ANP32A: variants seen among roughly 807,000 people sequenced by gnomAD.
ANP32A encodes the protein acidic nuclear phosphoprotein 32 family member A.
In ANP32A, 1 loss-of-function variant was observed where a neutral mutation model predicts 33.9. That is an observed-to-expected ratio of 0.03 (90% CI 0.01 to 0.14). ANP32A has a LOEUF of 0.14. Among genes scored for constraint, ANP32A ranks in the 10% least tolerant of loss-of-function variants. The probability of loss-of-function intolerance (pLI) is 1.00; values close to 1 mark genes in which losing one functional copy is unlikely to be tolerated. For synonymous variants in ANP32A, 115 were observed against 120.5 expected (o/e 0.95, Z 0.30); for missense variants, 155 against 306.0 (o/e 0.51, Z 3.68).
chr15:68,781,701 T>G (rs1212313798), intron 5 of ANP32A: 3 of 151,974 alleles, frequency 2.0e-5, no homozygotes, highest in Non-Finnish European at 4.4e-5. Context: ...CCTCCCAGGT[T>G]CAAGCGATTC....
chr15:68,810,285 T>C (rs1894295137), intron 1 of ANP32A, among the ~76,000 whole-genome samples: 1 of 152,208 alleles, frequency 6.6e-6, no homozygotes, highest in African/African-American at 2.4e-5. Flanking sequence ...GATAAGATCA[T>C]TCTAGTTGAA....
At chr15:68,803,722 T>C (rs77528843) in intron 1 of ANP32A, among the ~76,000 whole-genome samples, 5,022 of 149,456 alleles carry the variant, frequency 0.034, 176 homozygotes, top group East Asian at 0.2. Context: ...TATTAAATAA[T>C]AAATAGAAAA....
chr15:68,809,345 A>T (rs1894282375), intron 1 of ANP32A, among the ~76,000 whole-genome samples: 1 of 152,210 alleles, frequency 6.6e-6, no homozygotes, highest in African/African-American at 2.4e-5. Flanking sequence ...TTACAGAGTG[A>T]ACTTTAGTAA....
At chr15:68,793,298 A>G (rs919144271) in intron 1 of ANP32A, among the ~76,000 whole-genome samples, 1 of 152,196 alleles carries the variant, frequency 6.6e-6, no homozygotes, top group Admixed American at 6.5e-5. Flanking sequence ...ATGACGAATA[A>G]ATGTTGAATG....
At chr15:68,783,358 C>T (rs753764461) in intron 4 of ANP32A, among the ~76,000 whole-genome samples, 7 of 151,818 alleles carry the variant, frequency 4.6e-5, no homozygotes, top group Non-Finnish European at 4.4e-5. Context: ...TTCCAGGGCC[C>T]GGGAAAGCGG....
chr15:68,797,069 A>G (rs1389940098), intron 1 of ANP32A, among the ~76,000 whole-genome samples: 1 of 152,192 alleles, frequency 6.6e-6, no homozygotes, highest in Non-Finnish European at 1.5e-5. Context: ...CTAATCTCTT[A>G]AAACATATCA....
chr15:68,820,652 A>ACAC, intron 1 of ANP32A, 46 bp downstream of exon 1: 1 of 1,447,636 alleles, frequency 6.9e-7, no homozygotes, highest in Non-Finnish European at 9.3e-7. Flanking sequence ...ACACACACAC[A>ACAC]AAGTAGGAGA....
At chr15:68,809,505 A>C (rs1043514722) in intron 1 of ANP32A, among the ~76,000 whole-genome samples, 3 of 152,196 alleles carry the variant, frequency 2.0e-5, no homozygotes, top group African/African-American at 7.2e-5. Context: ...TACATTTTAT[A>C]ATGTCCATAT....
At chr15:68,781,908 C>T (rs892626584) in intron 5 of ANP32A, among the ~76,000 whole-genome samples, 13 of 152,110 alleles carry the variant, frequency 8.5e-5, no homozygotes, top group African/African-American at 2.2e-4. Flanking sequence ...CTGGCCTCCG[C>T]GATTCTATTG....
intron 1 of ANP32A, among the ~76,000 whole-genome samples, chr15:68,820,201 A>G (rs997031380): frequency 1.3e-5 from 2 of 151,962 alleles, no homozygotes; most frequent in Non-Finnish European, 2.9e-5. Context: ...AGCGAGCGAG[A>G]GAAAGGGAGG....
At chr15:68,784,882 C>T (rs1893913402) in intron 3 of ANP32A, among the ~76,000 whole-genome samples, 1 of 152,128 alleles carries the variant, frequency 6.6e-6, no homozygotes, top group Non-Finnish European at 1.5e-5. Flanking sequence ...CAGCTTCTGT[C>T]TTAACAGTGA....
chr15:68,780,711 A>G lies in ANP32A; in HGVS notation c.625-238T>C, dbSNP rs1893856787. The G allele has an allele frequency of 3.5e-6, 2 of 569,996 alleles. No individual in the cohort carries two copies. The highest frequency in any genetic ancestry group is 3.6e-5 in the East Asian group (1 of 28,118). 35.3% of individuals were successfully genotyped at this position (569,996 alleles called of 1,614,324 possible). The stretch of plus-strand genomic sequence containing the variant: ...TCTCCAGAAAATGTCCGTATCATTT[A>G]TAATATTTGCAAGCAGTTTCAGGGG... On this transcript the variant is annotated intron_variant, in intron 5 of 6. Coordinates refer to ENST00000465139, the MANE Select transcript of ANP32A (RefSeq NM_006305.4). The surrounding 1 kb of genome is among the most constrained non-coding windows in gnomAD (Gnocchi z 4.3).
chr15:68,797,035 A>C (rs989983957), intron 1 of ANP32A, among the ~76,000 whole-genome samples: 2 of 152,204 alleles, frequency 1.3e-5, no homozygotes, highest in Non-Finnish European at 2.9e-5. Flanking sequence ...CCTGGGTAAT[A>C]AGTGAAATGG....
At chr15:68,820,364 G>A (rs968803231) in intron 1 of ANP32A, among the ~76,000 whole-genome samples, 28 of 152,140 alleles carry the variant, frequency 1.8e-4, no homozygotes, top group African/African-American at 6.5e-4. Context: ...GATCTCCGAG[G>A]GTGATTTCGC....
chr15:68,797,580 C>T (rs1374412451), intron 1 of ANP32A, among the ~76,000 whole-genome samples: 1 of 152,178 alleles, frequency 6.6e-6, no homozygotes, highest in African/African-American at 2.4e-5. Context: ...TTCCCAGACC[C>T]CCACCCATCA....
chr15:68,805,260 C>G, intron 1 of ANP32A, among the ~76,000 whole-genome samples: 1 of 152,250 alleles, frequency 6.6e-6, no homozygotes, highest in East Asian at 1.9e-4. Flanking sequence ...TCCACTCTGA[C>G]AGTGACGGCA....
At chr15:68,787,134 G>T (rs992913046) in intron 3 of ANP32A, 4 of 387,372 alleles carry the variant, frequency 1.0e-5, no homozygotes, top group African/African-American at 8.1e-5. Context: ...AGCAGAAACT[G>T]AGTGGAAAAG....
At chr15:68,802,704 G>A (rs73429131) in intron 1 of ANP32A, among the ~76,000 whole-genome samples, 12,846 of 152,164 alleles carry the variant, frequency 0.084, 1,642 homozygotes, top group African/African-American at 0.28. Flanking sequence ...CCAGGCTGGC[G>A]GGCAGTGACG....
chr15:68,818,920 G>T (rs1278995848), intron 1 of ANP32A, among the ~76,000 whole-genome samples: 1 of 151,372 alleles, frequency 6.6e-6, no homozygotes, highest in African/African-American at 2.4e-5. Context: ...CCCGCAAATA[G>T]TGCGCGGAAA....
Sources: allele counts gnomAD v4.1 joint callset (sites outside exome capture counted in the v4.1 genomes callset), GRCh38; gene constraint gnomAD v4.1.1; non-coding constraint Gnocchi (gnomAD v3.1); transcripts MANE v1.5; gene names NCBI Gene and HGNC (gene_info 2026-07-23, HGNC 2026-07-21).